LSM5: variants seen among roughly 807,000 people sequenced by gnomAD.
LSM5 encodes LSM5 homolog, U6 small nuclear RNA and mRNA degradation associated.
LSM5 carries 8 observed loss-of-function variants against 13.8 expected under a neutral mutation model. The ratio of observed to expected loss-of-function variants is 0.58; its 90% CI spans 0.34 to 1.04. The LOEUF is 1.04. Ranked by LOEUF, LSM5 falls within the 50% of genes least tolerant of loss-of-function variation. The probability of loss-of-function intolerance (pLI) is 0.03; values close to 1 mark genes in which losing one functional copy is unlikely to be tolerated. For missense variants in LSM5, 80 were observed against 108.1 expected (o/e 0.74, Z 1.15); for synonymous variants, 35 against 37.0 (o/e 0.95, Z 0.20).
chr7:32,487,995 AAAG>A (rs1168604388), intron 3 of LSM5: 3 of 437,716 alleles, frequency 6.9e-6, no homozygotes, highest in Non-Finnish European at 1.2e-5. Context: ...AGCTTCATAA[AAAG>A]AAGTGAAAGC....
intron 1 of LSM5, 63 bp from the exon 2 acceptor site, chr7:32,489,407 G>A (rs1786521632): frequency 3.4e-6 from 3 of 892,524 alleles, no homozygotes; most frequent in Admixed American, 2.0e-5. Context: ...AGTGCCTACT[G>A]GCACTCTTAC....
chr7:32,489,417 C>A (rs997496947), intron 1 of LSM5, 73 bp from the exon 2 acceptor site: 5 of 812,930 alleles, frequency 6.2e-6, no homozygotes, highest in Non-Finnish European at 1.1e-5. Context: ...GGCACTCTTA[C>A]TTGCATATAG....
intron 1 of LSM5, chr7:32,489,913 A>C: frequency 1.6e-6 from 1 of 613,612 alleles, no homozygotes; most frequent in Non-Finnish European, 2.4e-6. Context: ...CAGATTCCTC[A>C]TTTAAGGCTC....
intron 1 of LSM5, chr7:32,489,923 C>G: frequency 2.9e-6 from 2 of 700,722 alleles, no homozygotes; most frequent in Non-Finnish European, 4.0e-6. Flanking sequence ...ATTTAAGGCT[C>G]ATTCCGGACC....
At chr7:32,488,732 T>A (rs965488958) in intron 2 of LSM5, 80 bp from the exon 3 acceptor site, 89 of 1,060,176 alleles carry the variant, frequency 8.4e-5, no homozygotes, top group Non-Finnish European at 1.2e-4. Context: ...TTTGTTTTTG[T>A]TTTTGTTTTG....
Position 32,490,332 on chromosome 7 carries a change from G to A in LSM5, c.34C>T (p.Leu12=), listed in dbSNP as rs577101336. The change falls in exon 1 of 5, where the codon CTG becomes TTG. Residue 12 remains leucine, a synonymous_variant. Coordinates refer to ENST00000450169, the MANE Select transcript of LSM5 (RefSeq NM_012322.3). Reference sequence around the variant, plus strand: ...GGACGGCGATTACCTAAGGGCAGCAGCTGCGACGGGTTGGTAGTAGCGTTA... The same window carrying A: ...GGACGGCGATTACCTAAGGGCAGCAACTGCGACGGGTTGGTAGTAGCGTTA... ...AANATTNPSQ[L]LPLELVDKCI... is the part of the protein sequence containing the mutation. 1.2e-6 allele frequency: 2 copies of A among 1,614,206 alleles called. No homozygotes were observed. The highest frequency in any genetic ancestry group is 2.2e-5 in the East Asian group (1 of 44,884).
intron 3 of LSM5, chr7:32,487,974 C>G (rs1440179931): frequency 2.1e-6 from 1 of 471,080 alleles, no homozygotes; most frequent in Non-Finnish European, 3.8e-6. Context: ...AGACCCACGT[C>G]TATCAGACAG....
intron 1 of LSM5, 176 bp from the exon 2 acceptor site, chr7:32,489,520 C>T (rs1786524004): frequency 1.8e-6 from 1 of 547,560 alleles, no homozygotes; most frequent in South Asian, 2.3e-5. Flanking sequence ...CATAATGAGC[C>T]TTCCAAAAGA....
intron 3 of LSM5, 48 bp downstream of exon 3, chr7:32,488,577 T>C (rs1309374011): frequency 7.7e-7 from 1 of 1,305,574 alleles, no homozygotes; most frequent in Non-Finnish European, 1.1e-6. Flanking sequence ...GTAGTAAAAC[T>C]GTCTTTAATT....
Position 32,487,689 on chromosome 7 carries a change from GTTATA to G in LSM5, c.234_238del (p.Ile79AsnfsTer10). ...AACAGTTTCAATGTGTCTTACCATT[GTTATA>G]TTATTTCCATTTAGCAAAATCTGAT... On this transcript the variant is annotated frameshift_variant, in exon 4 of 5. Coordinates refer to ENST00000450169, the MANE Select transcript of LSM5 (RefSeq NM_012322.3). LOFTEE classifies it high-confidence loss of function. 6.7e-7 allele frequency: 1 copy of G among 1,485,424 alleles called. No homozygotes were observed. Among genetic ancestry groups the G allele is most frequent in the East Asian group, 2.3e-5 (1 of 44,278 alleles). 92.0% of individuals were successfully genotyped at this position (1,485,424 alleles called of 1,614,324 possible).
upstream of LSM5, chr7:32,494,914 A>T (rs901415850): frequency 6.6e-6 from 1 of 152,224 alleles, no homozygotes; most frequent in Non-Finnish European, 1.5e-5. Flanking sequence ...AACGAAGAAA[A>T]AAAAACTCTA....
chr7:32,493,205 C>T (rs555049881), upstream of LSM5, among the ~76,000 whole-genome samples: 8 of 152,276 alleles, frequency 5.3e-5, no homozygotes, highest in African/African-American at 1.2e-4. Flanking sequence ...GGTGTGCTCG[C>T]GGACTCAAGC....
In LSM5 at chr7:32,487,673, A is replaced by G. The variant is rs1306102329; in HGVS notation, c.243+12T>C. On this transcript the variant is annotated intron_variant, in intron 4 of 4. Transcript: ENST00000450169. The stretch of plus-strand genomic sequence containing the variant: ...GCTCCCATCAAAATAAAACAGTTTC[A>G]ATGTGTCTTACCATTGTTATATTAT... 1 of 1,374,220 alleles carries G rather than the reference A, an allele frequency of 7.3e-7. No homozygotes were observed. Among genetic ancestry groups the G allele is most frequent in the East Asian group, 2.3e-5 (1 of 43,828 alleles). 85.1% of individuals were successfully genotyped at this position (1,374,220 alleles called of 1,614,324 possible).
chr7:32,490,284 G>C, intron 1 of LSM5, 36 bp downstream of exon 1: 2 of 1,614,204 alleles, frequency 1.2e-6, no homozygotes, highest in Non-Finnish European at 1.7e-6. Context: ...CTGAATGTCA[G>C]CTCCCTGTTC....
At chr7:32,494,239 A>G (rs1172820093), upstream of LSM5, among the ~76,000 whole-genome samples, 1 of 152,250 alleles carries the variant, frequency 6.6e-6, no homozygotes, top group Non-Finnish European at 1.5e-5. Flanking sequence ...AATAGTTAAC[A>G]CATCACACAG....
chr7:32,485,853 G>C lies in LSM5; in HGVS notation c.*1408C>G, dbSNP rs1250510918. ...CAATCACTTGAACCTGGGAGGCGGA[G>C]GTCGCGTTGATATCGCGACAAGGCA... On this transcript the variant is annotated 3_prime_UTR_variant, in exon 5 of 5. Coordinates refer to ENST00000450169, the MANE Select transcript of LSM5 (RefSeq NM_012322.3). 3.3e-5 allele frequency: 5 copies of C among 151,772 alleles called. No individual in the cohort carries two copies. Among genetic ancestry groups the C allele is most frequent in the African/African-American group, 1.2e-4 (5 of 41,230 alleles). The allele number at this position is 151,772 out of a possible 1,614,324, so 9.4% of individuals were successfully genotyped here.
chr7:32,488,396 G>T, intron 3 of LSM5: 1 of 428,130 alleles, frequency 2.3e-6, no homozygotes, highest in Non-Finnish European at 4.1e-6. Context: ...GGCTCTTTTT[G>T]TTATCTTCTA....
rs181553705 is a variant in LSM5 at position 32,488,212 on chromosome 7, A to T, written c.170+413T>A. ...CCTACTATAACCAGCTAATTTTTAA[A>T]TTTTTTATAGAGACAGGGGTCTCCC... On this transcript the variant is annotated intron_variant, in intron 3 of 4. Coordinates refer to ENST00000450169, the MANE Select transcript of LSM5 (RefSeq NM_012322.3). 2.5e-4 allele frequency: 49 copies of T among 199,980 alleles called. No homozygotes were observed. In the Admixed American group the frequency reaches 2.5e-3, roughly 10 times the overall value. 12.4% of individuals were successfully genotyped at this position (199,980 alleles called of 1,614,324 possible).
upstream of LSM5, among the ~76,000 whole-genome samples, chr7:32,492,636 A>C (rs1205282737): frequency 6.6e-6 from 1 of 152,252 alleles, no homozygotes; most frequent in African/African-American, 2.4e-5. Context: ...TAGTTCACTT[A>C]CATAGTAGAG....
Sources: allele counts gnomAD v4.1 joint callset (sites outside exome capture counted in the v4.1 genomes callset), GRCh38; gene constraint gnomAD v4.1.1; transcripts MANE v1.5; gene names NCBI Gene and HGNC (gene_info 2026-07-23, HGNC 2026-07-21).